Variants in LRP1B observed in about 807,000 individuals in gnomAD.
LRP1B encodes LDL receptor related protein 1B.
In LRP1B, 217 loss-of-function variants were observed where a neutral mutation model predicts 556.6. The observed-to-expected ratio is 0.39, with a 90% CI of 0.35 to 0.44. The LOEUF is 0.44. LRP1B is among the 20% of genes least tolerant of loss of function. The pLI is 1.00. For synonymous variants in LRP1B, 2,047 were observed against 1,865.8 expected, an observed-to-expected ratio of 1.10 and a Z score of -2.50; for missense variants, 5,053 against 5,620.8, an observed-to-expected ratio of 0.90 and a Z score of 3.23.
At chr2:140,752,471 C>A (rs1455079372) in intron 35 of LRP1B, among the ~76,000 whole-genome samples, 1 of 151,746 alleles carries the variant, frequency 6.6e-6, no homozygotes, top group African/African-American at 2.4e-5. Context: ...ATTACAGGCA[C>A]TTAACACTAA....
At chr2:140,692,061 T>A (rs1686262479) in intron 41 of LRP1B, among the ~76,000 whole-genome samples, 1 of 152,142 alleles carries the variant, frequency 6.6e-6, no homozygotes, top group Admixed American at 6.5e-5. Context: ...AATTTTGAAC[T>A]AATTTTAGGC....
chr2:141,535,716 TA>T (rs1315553819), intron 2 of LRP1B, among the ~76,000 whole-genome samples: 5 of 152,054 alleles, frequency 3.3e-5, no homozygotes, highest in African/African-American at 7.2e-5. Flanking sequence ...AACTTTCCAT[TA>T]GGGGCAATTT....
intron 84 of LRP1B, among the ~76,000 whole-genome samples, chr2:140,292,923 A>G (rs978349657): frequency 1.3e-5 from 2 of 152,148 alleles, no homozygotes; most frequent in Non-Finnish European, 2.9e-5. Context: ...GTTACTTGAT[A>G]GTCTGTGGTT....
chr2:141,413,477 C>A (rs934037669), intron 3 of LRP1B, among the ~76,000 whole-genome samples: 1 of 152,224 alleles, frequency 6.6e-6, no homozygotes, highest in Admixed American at 6.5e-5. Flanking sequence ...TGTAGGGCCT[C>A]CAGAAAGGAA....
At chr2:140,405,524 A>G (rs1337497081) in intron 66 of LRP1B, among the ~76,000 whole-genome samples, 1 of 152,212 alleles carries the variant, frequency 6.6e-6, no homozygotes, top group Non-Finnish European at 1.5e-5. Context: ...ATGAAAGTGG[A>G]AACATTACAA....
intron 11 of LRP1B, among the ~76,000 whole-genome samples, chr2:141,039,673 T>G (rs1420160724): frequency 6.6e-6 from 1 of 152,082 alleles, no homozygotes; most frequent in African/African-American, 2.4e-5. Context: ...CGGATGCATA[T>G]GTACACATGC....
Position 142,048,298 on chromosome 2 carries a change from A to G in LRP1B, c.82+82350T>C, listed in dbSNP as rs1559042300. ...TTGTACATACTTACTTTTCTGGTGG[A>G]AAAAGTAAAGCTTTTGGAGGTTAAC... is the stretch of plus-strand genomic sequence containing the variant. On this transcript the variant is annotated intron_variant, in intron 1 of 90. Transcript: ENST00000389484. Among the ~76,000 whole-genome samples the G allele has an allele frequency of 3.3e-5, 5 of 152,106 alleles. No homozygotes were observed. In the South Asian group the frequency reaches 8.3e-4, roughly 25 times the overall value.
chr2:141,929,046 C>T (rs1700415626), intron 1 of LRP1B, among the ~76,000 whole-genome samples: 1 of 152,044 alleles, frequency 6.6e-6, no homozygotes. Context: ...TTGCCTGGAT[C>T]CTGACCTAGG....
At chr2:141,630,567 A>C (rs931994193) in intron 2 of LRP1B, among the ~76,000 whole-genome samples, 1 of 152,238 alleles carries the variant, frequency 6.6e-6, no homozygotes, top group African/African-American at 2.4e-5. Context: ...ATACAATTTA[A>C]AAGCTATAGT....
At chr2:140,987,755 T>C (rs1348757126) in intron 17 of LRP1B, among the ~76,000 whole-genome samples, 5 of 152,052 alleles carry the variant, frequency 3.3e-5, no homozygotes, top group African/African-American at 1.2e-4. Context: ...GAGGCCTAAG[T>C]GGGCACATCA....
At chr2:141,721,231 A>G (rs944485935) in intron 2 of LRP1B, among the ~76,000 whole-genome samples, 3 of 152,188 alleles carry the variant, frequency 2.0e-5, no homozygotes, top group African/African-American at 7.2e-5. Context: ...CCAATTTGCA[A>G]AGTTTTTATT....
At chr2:141,819,346 T>C (rs1465759) in intron 1 of LRP1B, among the ~76,000 whole-genome samples, 68,422 of 152,018 alleles carry the variant, frequency 0.45, 15,589 homozygotes, top group East Asian at 0.51. Flanking sequence ...GAAAAGCTTC[T>C]ATTTTACTTT....
chr2:140,233,110 G>T lies in LRP1B; in HGVS notation c.*76C>A. On this transcript the variant is annotated 3_prime_UTR_variant, in exon 91 of 91. Transcript: ENST00000389484. ...AGAGGTAATGCTGATGCCAAAACAA[G>T]TATAATACTGTTGGAACATACAAAA... 1.1e-6 allele frequency: 1 copy of T among 944,242 alleles called. No individual in the cohort carries two copies. The highest frequency in any genetic ancestry group is 1.5e-6 in the Non-Finnish European group (1 of 664,464). 58.5% of individuals were successfully genotyped at this position (944,242 alleles called of 1,614,324 possible).
chr2:141,871,091 ATTTC>A (rs1166107578), intron 1 of LRP1B, among the ~76,000 whole-genome samples: 1 of 151,872 alleles, frequency 6.6e-6, no homozygotes, highest in Admixed American at 6.6e-5. Context: ...CCTCACTTGT[ATTTC>A]TTTAACAATT....
chr2:140,994,690 CTATG>C (rs1697191238), intron 15 of LRP1B, among the ~76,000 whole-genome samples: 1 of 151,898 alleles, frequency 6.6e-6, no homozygotes, highest in Non-Finnish European at 1.5e-5. Context: ...AACCATTTCA[CTATG>C]TATATTAAAA....
At chr2:141,546,955 T>C (rs1685577949) in intron 2 of LRP1B, among the ~76,000 whole-genome samples, 1 of 152,186 alleles carries the variant, frequency 6.6e-6, no homozygotes, top group South Asian at 2.1e-4. Flanking sequence ...GCTTTCTTCT[T>C]TACTTAGTAT....
intron 1 of LRP1B, among the ~76,000 whole-genome samples, chr2:141,937,658 A>G (rs1202569506): frequency 2.0e-5 from 3 of 150,258 alleles, no homozygotes; most frequent in Non-Finnish European, 4.4e-5. Flanking sequence ...ACCATGGTGC[A>G]CCTAAATTAA....
chr2:142,007,276 C>G lies in LRP1B; in HGVS notation c.82+123372G>C, dbSNP rs138958632. Among the ~76,000 whole-genome samples, 344 of 152,172 alleles carry G rather than the reference C, an allele frequency of 2.3e-3. 1 individual carries two copies. The highest frequency in any genetic ancestry group is 8.0e-3 in the African/African-American group (331 of 41,524). Reference sequence around the variant, plus strand: ...AATTGGAAGCAAAATGCTGTAACTCCCTCTTGCAAAAGTTTCTTTTGCTAG... The same window carrying G: ...AATTGGAAGCAAAATGCTGTAACTCGCTCTTGCAAAAGTTTCTTTTGCTAG... On this transcript the variant is annotated intron_variant, in intron 1 of 90. Transcript: ENST00000389484.
chr2:141,070,987 C>T (rs1307735474), intron 7 of LRP1B, among the ~76,000 whole-genome samples: 2 of 152,122 alleles, frequency 1.3e-5, no homozygotes, highest in East Asian at 3.9e-4. Flanking sequence ...AAGAGGGAAT[C>T]CTCCCTAACT....
Sources: gnomAD v4.1 joint callset for allele counts (sites outside exome capture counted in the v4.1 genomes callset) on GRCh38, gnomAD v4.1.1 for gene constraint, MANE v1.5 for transcripts, NCBI Gene and HGNC (gene_info 2026-07-23, HGNC 2026-07-21) for gene names.